MARCHF8: variants seen among roughly 807,000 people sequenced by gnomAD.
MARCHF8 encodes E3 ubiquitin-protein ligase MARCHF8.
In MARCHF8, 40 loss-of-function variants were observed where a neutral mutation model predicts 51.6. The observed-to-expected ratio is 0.77, with a 90% CI of 0.60 to 1.01. The LOEUF is 1.01. MARCHF8 is among the 50% of genes least tolerant of loss of function. The pLI is 0.00. For synonymous variants in MARCHF8, 263 were observed against 280.3 expected, an observed-to-expected ratio of 0.94 and a Z score of 0.62; for missense variants, 685 against 708.6, an observed-to-expected ratio of 0.97 and a Z score of 0.38.
intron 2 of MARCHF8, among the ~76,000 whole-genome samples, chr10:45,498,782 C>A (rs562605754): frequency 3.9e-5 from 6 of 152,282 alleles, no homozygotes; most frequent in African/African-American, 1.2e-4. Context: ...AGCCAGAATC[C>A]TTTTCTTTTT....
intron 1 of MARCHF8, among the ~76,000 whole-genome samples, chr10:45,560,007 T>A (rs2044291705): frequency 6.6e-6 from 1 of 152,124 alleles, no homozygotes; most frequent in African/African-American, 2.4e-5. Flanking sequence ...GACAGGCAGC[T>A]GCTCCAAGGA....
At chr10:45,584,838 GAAGA>G (rs368712379) in intron 1 of MARCHF8, among the ~76,000 whole-genome samples, 9 of 152,288 alleles carry the variant, frequency 5.9e-5, no homozygotes, top group African/African-American at 2.2e-4. Context: ...CTTTGAAGAT[GAAGA>G]AAGAAAGAGG....
At chr10:45,581,210 G>T (rs2044551941) in intron 1 of MARCHF8, among the ~76,000 whole-genome samples, 1 of 152,102 alleles carries the variant, frequency 6.6e-6, no homozygotes, top group African/African-American at 2.4e-5. Flanking sequence ...ATGGCACCTA[G>T]TAGGAAGAGG....
chr10:45,459,959 C>A, intron 6 of MARCHF8: 2 of 911,352 alleles, frequency 2.2e-6, no homozygotes. Flanking sequence ...CCTTTGCCAA[C>A]CCTAGTCACA....
At chr10:45,525,673 G>T (rs1425494647) in intron 2 of MARCHF8, among the ~76,000 whole-genome samples, 1 of 152,186 alleles carries the variant, frequency 6.6e-6, no homozygotes, top group Admixed American at 6.5e-5. Context: ...ATATCAGCCA[G>T]GTGGTCAAGA....
intron 1 of MARCHF8, among the ~76,000 whole-genome samples, chr10:45,574,598 A>T (rs1466824042): frequency 6.6e-6 from 1 of 152,150 alleles, no homozygotes; most frequent in Non-Finnish European, 1.5e-5. Context: ...CCATCACCTC[A>T]GTCAAGCCAG....
At chr10:45,559,915 G>A (rs1238334132) in intron 1 of MARCHF8, among the ~76,000 whole-genome samples, 1 of 152,112 alleles carries the variant, frequency 6.6e-6, no homozygotes, top group African/African-American at 2.4e-5. Flanking sequence ...TACACACTAA[G>A]TATACATCAC....
At chr10:45,485,771 T>A (rs573771027) in intron 3 of MARCHF8, among the ~76,000 whole-genome samples, 14 of 152,280 alleles carry the variant, frequency 9.2e-5, no homozygotes, top group African/African-American at 3.4e-4. Flanking sequence ...AGTGACTGGC[T>A]CATGTGCTGA....
chr10:45,481,485 G>C (rs2042886321), intron 3 of MARCHF8, among the ~76,000 whole-genome samples: 1 of 152,200 alleles, frequency 6.6e-6, no homozygotes, highest in Non-Finnish European at 1.5e-5. Flanking sequence ...TGTGTCGTGG[G>C]AGGGACCCAG....
At chr10:45,582,465 A>G (rs1355196650) in intron 1 of MARCHF8, among the ~76,000 whole-genome samples, 2 of 152,308 alleles carry the variant, frequency 1.3e-5, no homozygotes, top group East Asian at 3.9e-4. Context: ...ACAGTTAGCT[A>G]TTTAAGTGAT....
chr10:45,573,841 T>C (rs1174241542), intron 1 of MARCHF8, among the ~76,000 whole-genome samples: 1 of 152,206 alleles, frequency 6.6e-6, no homozygotes, highest in Non-Finnish European at 1.5e-5. Context: ...TCCATAACTG[T>C]TGTGGGTATT....
chr10:45,459,623 A>C, intron 6 of MARCHF8: 1 of 771,964 alleles, frequency 1.3e-6, no homozygotes, highest in Non-Finnish European at 1.6e-6. Context: ...CTACGTTTTA[A>C]GTCTCCCTGA....
intron 2 of MARCHF8, among the ~76,000 whole-genome samples, chr10:45,505,659 G>C (rs916783020): frequency 9.2e-5 from 14 of 152,216 alleles, no homozygotes; most frequent in African/African-American, 3.1e-4. Flanking sequence ...AAACCACATG[G>C]CTGTGAAATT....
At chr10:45,544,501 T>C (rs911318119) in intron 1 of MARCHF8, among the ~76,000 whole-genome samples, 60 of 152,226 alleles carry the variant, frequency 3.9e-4, no homozygotes, top group African/African-American at 1.4e-3. Context: ...TAGATAAAAA[T>C]GTGGCTTATC....
chr10:45,462,905 C>T (rs1188735680), intron 5 of MARCHF8, among the ~76,000 whole-genome samples: 1 of 152,156 alleles, frequency 6.6e-6, no homozygotes, highest in Admixed American at 6.5e-5. Flanking sequence ...GGATTACAGG[C>T]GTGAGCCACT....
intron 1 of MARCHF8, among the ~76,000 whole-genome samples, chr10:45,571,536 C>T (rs2044429370): frequency 6.6e-6 from 1 of 152,084 alleles, no homozygotes; most frequent in South Asian, 2.1e-4. Flanking sequence ...TCACACAAAG[C>T]CTGTTTGGTG....
intron 2 of MARCHF8, among the ~76,000 whole-genome samples, chr10:45,510,221 C>A (rs1027908358): frequency 1.3e-5 from 2 of 152,072 alleles, no homozygotes; most frequent in African/African-American, 4.8e-5. Flanking sequence ...CTGCACACTG[C>A]GAGACCCTGA....
At chr10:45,493,943 C>T (rs2043128489) in intron 2 of MARCHF8, among the ~76,000 whole-genome samples, 2 of 152,032 alleles carry the variant, frequency 1.3e-5, no homozygotes, top group South Asian at 2.1e-4. Context: ...ACTACTGCAC[C>T]CAATTTATGA....
intron 1 of MARCHF8, among the ~76,000 whole-genome samples, chr10:45,580,746 G>C (rs1041078445): frequency 6.6e-6 from 1 of 152,178 alleles, no homozygotes; most frequent in Admixed American, 6.5e-5. Context: ...AGGCAGGCTT[G>C]AGACAATATA....
Sources: gnomAD v4.1 joint callset for allele counts (sites outside exome capture counted in the v4.1 genomes callset) on GRCh38, gnomAD v4.1.1 for gene constraint, MANE v1.5 for transcripts, NCBI Gene and HGNC (gene_info 2026-07-23, HGNC 2026-07-21) for gene names.